RSKR: variants seen among roughly 807,000 people sequenced by gnomAD.
The protein encoded by RSKR is ribosomal protein S6 kinase-related protein.
A neutral mutation model predicts 56.8 loss-of-function variants in RSKR; 44 were observed. That is an observed-to-expected ratio of 0.77 (90% confidence interval 0.61 to 1.00). The LOEUF is 1.00. Among genes scored for constraint, RSKR ranks in the 50% least tolerant of loss-of-function variants. RSKR has a pLI of 0.00. For missense variants in RSKR, 510 were observed against 506.9 expected, an observed-to-expected ratio of 1.01 and a Z score of -0.06; for synonymous variants, 181 against 188.0, an observed-to-expected ratio of 0.96 and a Z score of 0.30.
Position 28,612,305 on chromosome 17 carries a change from C to T in RSKR, c.609G>A (p.Glu203=). Residue 203 remains glutamate, a synonymous_variant, in exon 6 of 12, where the codon GAG becomes GAA. Transcript: ENST00000301037. The part of the protein sequence containing the change: ...SLWSAVGCFP[E]ASIRLFAAEL... Reference sequence around the variant, plus strand: ...CGGCAGCAAAGAGACGGATGGAAGCCTCAGGAAAGCAGCCAACAGCCGACC... The same window carrying T: ...CGGCAGCAAAGAGACGGATGGAAGCTTCAGGAAAGCAGCCAACAGCCGACC... The T allele has an allele frequency of 6.2e-7, 1 of 1,614,214 alleles. No homozygotes were observed.
chr17:28,612,989 G>A, intron 4 of RSKR, 89 bp downstream of exon 4: 1 of 1,384,994 alleles, frequency 7.2e-7, no homozygotes, highest in Non-Finnish European at 1.0e-6. Flanking sequence ...GGATGAGGCA[G>A]AACCAGGAAA....
intron 11 of RSKR, chr17:28,610,903 A>T: frequency 1.5e-6 from 1 of 660,564 alleles, no homozygotes; most frequent in Non-Finnish European, 2.5e-6. Context: ...GAGTTTTCAG[A>T]TGAGTGTACA....
rs2070777422 is a variant in RSKR at position 28,608,948 on chromosome 17, G to T, written c.*1530C>A. On this transcript the variant is annotated 3_prime_UTR_variant, in exon 12 of 12. Coordinates refer to ENST00000301037, the MANE Select transcript of RSKR (RefSeq NM_001174103.2). ...AGAAAAATGAAAAGAAGTCATAAAG[G>T]CCAAAACTGTATACAAATTTAAGGT... 1 of 150,138 alleles carries T rather than the reference G, an allele frequency of 6.7e-6. No homozygotes were observed. Among genetic ancestry groups the T allele is most frequent in the African/African-American group, 2.5e-5 (1 of 40,764 alleles). The allele number at this position is 150,138 out of a possible 1,614,324, so 9.3% of individuals were successfully genotyped here. A position where few individuals can be genotyped will look rare whatever the true frequency, so the allele number is the denominator to read the frequency against.
rs140792414 is a variant in RSKR, at chr17:28,611,771, G to T, written c.718C>A (p.Arg240=). Residue 240 remains arginine (R), a synonymous_variant, in exon 8 of 12, where the codon CGA becomes AGA. Coordinates refer to ENST00000301037, the MANE Select transcript of RSKR (RefSeq NM_001174103.2). ...VKMENILLDE[R]GHLKLTDFGL... Reference sequence around the variant, plus strand: ...CTAAGGAAGGAAAAAGACTTACCTCGTTCATCTAGAAGAATATTCTCCATC... The same window carrying T: ...CTAAGGAAGGAAAAAGACTTACCTCTTTCATCTAGAAGAATATTCTCCATC... 1.2e-5 allele frequency: 19 copies of T among 1,614,158 alleles called. No homozygotes were observed. The highest frequency in any genetic ancestry group is 1.6e-5 in the Non-Finnish European group (19 of 1,180,022).
In RSKR at chr17:28,613,538, C is replaced by G; in HGVS notation, c.226G>C (p.Val76Leu). 1 of 1,614,204 alleles carries G rather than the reference C, an allele frequency of 6.2e-7. No individual in the cohort carries two copies. The highest frequency in any genetic ancestry group is 8.5e-7 in the Non-Finnish European group (1 of 1,180,034). The change falls in exon 2 of 12, where the codon GTA (valine) becomes CTA (leucine). Residue 76 changes from valine to leucine, a missense_variant. Physicochemically the swap from Val to Leu is conservative, Grantham distance 32 (BLOSUM62 1). Coordinates refer to ENST00000301037, the MANE Select transcript of RSKR (RefSeq NM_001174103.2). ...GGCCACTCTGGCAGAGGCTTCTCTACCAGTACTGGGGCTGGCTTTAGGGAT... is the reference window on the plus strand; with the variant it reads ...GGCCACTCTGGCAGAGGCTTCTCTAGCAGTACTGGGGCTGGCTTTAGGGAT... ...QESLKPAPVL[V>L]EKPLPEWPVP... is the part of the protein sequence containing the mutation.
intron 4 of RSKR, 145 bp from the exon 5 acceptor site, chr17:28,612,832 C>G (rs2070839210): frequency 1.2e-6 from 1 of 813,140 alleles, no homozygotes; most frequent in Non-Finnish European, 2.0e-6. Context: ...TTGGAACTGA[C>G]TATCTGGTAA....
At chr17:28,612,153 C>T in intron 6 of RSKR, 69 bp from the exon 7 acceptor site, 1 of 1,589,996 alleles carries the variant, frequency 6.3e-7, no homozygotes, top group Non-Finnish European at 8.6e-7. Flanking sequence ...TAGCCCTCAT[C>T]CCATCCCTAT....
At chr17:28,612,225 C>T in intron 6 of RSKR, 37 bp downstream of exon 6, 1 of 1,607,692 alleles carries the variant, frequency 6.2e-7, no homozygotes, top group Non-Finnish European at 8.5e-7. Context: ...GAACTTAAAT[C>T]TTCCCTCCCC....
rs562131770 is a variant in RSKR at position 28,607,974 on chromosome 17, T to C, written c.*2504A>G. 12 of 152,294 alleles carry C rather than the reference T, an allele frequency of 7.9e-5. No individual in the cohort carries two copies. Among genetic ancestry groups the C allele is most frequent in the African/African-American group, 2.4e-4 (10 of 41,558 alleles). The allele number at this position is 152,294 out of a possible 1,614,324, so 9.4% of individuals were successfully genotyped here. On this transcript the variant is annotated 3_prime_UTR_variant, in exon 12 of 12. Transcript: ENST00000301037. Reference sequence around the variant, plus strand: ...ATGAGATAAAAGGATAAAGGATACATTGCCTTATTTATTTATATCCCAACC... The same window carrying C: ...ATGAGATAAAAGGATAAAGGATACACTGCCTTATTTATTTATATCCCAACC...
At position 28,611,403 on chromosome 17, in the gene RSKR, G is replaced by A. The variant is rs768829782; in HGVS notation, c.890C>T (p.Ala297Val). 1.3e-5 allele frequency: 21 copies of A among 1,591,266 alleles called. No individual in the cohort carries two copies. The highest frequency in any genetic ancestry group is 1.6e-4 in the Middle Eastern group (1 of 6,066). Residue 297 changes from alanine (A) to valine (V), a missense_variant, in exon 10 of 12, where the codon GCG becomes GTG. Physicochemically the swap from Ala to Val is moderately conservative, Grantham distance 64. Coordinates refer to ENST00000301037, the MANE Select transcript of RSKR (RefSeq NM_001174103.2). ...CTACTATTCTCTCACCTTTCCAGTC[G>A]CCAGAGAGAAAAGCAAGACACCCAG... ...WSLGVLLFSL[A>V]TGKFPVAAER...
intron 11 of RSKR, 39 bp from the exon 12 acceptor site, chr17:28,610,738 C>A: frequency 1.3e-6 from 2 of 1,513,844 alleles, no homozygotes; most frequent in Non-Finnish European, 1.8e-6. Flanking sequence ...GTGACTAGGA[C>A]AGGACAGGCC....
intron 11 of RSKR, chr17:28,610,929 A>C: frequency 1.5e-6 from 1 of 650,044 alleles, no homozygotes; most frequent in Non-Finnish European, 2.6e-6. Flanking sequence ...CCACTCTCTC[A>C]GAAGGGACCT....
In RSKR at chr17:28,613,556, T is replaced by C; in HGVS notation, c.208A>G (p.Lys70Glu). ...TTCTCTACCAGTACTGGGGCTGGCT[T>C]TAGGGATTCCTGGTGCAGATAGTGG... ...GHHYLHQESLKPAPVLVEKPL... is the reference protein window; with the variant it reads ...GHHYLHQESLEPAPVLVEKPL... Residue 70 changes from lysine (K) to glutamate (E), a missense_variant, in exon 2 of 12, where the codon AAG (lysine) becomes GAG (glutamate). Physicochemically the swap from Lys to Glu is moderately conservative, Grantham distance 56. Transcript: ENST00000301037. 1 of 1,614,142 alleles carries C rather than the reference T, an allele frequency of 6.2e-7. No individual in the cohort carries two copies. The highest frequency in any genetic ancestry group is 1.1e-5 in the South Asian group (1 of 91,086).
chr17:28,610,972 C>A (rs2151530146), intron 11 of RSKR, 171 bp downstream of exon 11: 1 of 682,548 alleles, frequency 1.5e-6, no homozygotes, highest in Non-Finnish European at 2.4e-6. Flanking sequence ...ATTTGGGGGA[C>A]CAGGAACTTA....
chr17:28,611,083 TGAAGGCA>T (rs1567632917), intron 11 of RSKR, 53 bp downstream of exon 11: 11 of 1,422,088 alleles, frequency 7.7e-6, no homozygotes. Context: ...ATCACTTTAA[TGAAGGCA>T]GGAGAGCATT....
At chr17:28,612,897 C>G in intron 4 of RSKR, 181 bp downstream of exon 4, 1 of 764,078 alleles carries the variant, frequency 1.3e-6, no homozygotes, top group Non-Finnish European at 2.2e-6. Context: ...AGAGATTTCC[C>G]TAGTAGGACA....
rs746919398 is a variant in RSKR at position 28,611,285 on chromosome 17, G to A, written c.901-32C>T. Reference sequence around the variant, plus strand: ...TAAGAGGTAGGGAGTGGAGGTAGGGGTAGGGGTTCATTCCTTAGTAGGAAT... The same window carrying A: ...TAAGAGGTAGGGAGTGGAGGTAGGGATAGGGGTTCATTCCTTAGTAGGAAT... On this transcript the variant is annotated intron_variant, in intron 10 of 11. Coordinates refer to ENST00000301037, the MANE Select transcript of RSKR (RefSeq NM_001174103.2). 9 of 1,532,982 alleles carry A rather than the reference G, an allele frequency of 5.9e-6. No homozygotes were observed. The South Asian group carries it at 1.1e-4, about 18-fold the overall frequency. The allele number at this position is 1,532,982 out of a possible 1,614,324, so 95.0% of individuals were successfully genotyped here. A position where few individuals can be genotyped will look rare whatever the true frequency, so the allele number is the denominator to read the frequency against.
chr17:28,613,402 A>G (rs373993876), intron 2 of RSKR, 38 bp downstream of exon 2: 203 of 1,614,056 alleles, frequency 1.3e-4, no homozygotes, highest in Non-Finnish European at 1.5e-4. Context: ...AACTTCTCCC[A>G]AAGACTGAGA....
In RSKR at chr17:28,609,010, A is replaced by G. The variant is rs1027461134; in HGVS notation, c.*1468T>C. The G allele has an allele frequency of 7.1e-6, 1 of 141,452 alleles. No homozygotes were observed. Among genetic ancestry groups the G allele is most frequent in the African/African-American group, 2.6e-5 (1 of 38,848 alleles). 8.8% of individuals were successfully genotyped at this position (141,452 alleles called of 1,614,324 possible). A position where few individuals can be genotyped will look rare whatever the true frequency, so the allele number is the denominator to read the frequency against. ...TCCTTACTAAAGGAAAAGGTTATTG[A>G]GATATGTCTCTAACCTTAAATCTTT... On this transcript the variant is annotated 3_prime_UTR_variant, in exon 12 of 12. Transcript: ENST00000301037.
Sources: gnomAD v4.1 joint callset for allele counts on GRCh38, gnomAD v4.1.1 for gene constraint, MANE v1.5 for transcripts, NCBI Gene and HGNC (gene_info 2026-07-23, HGNC 2026-07-21) for gene names.